The following SCFD1 variants were observed in gnomAD, a reference collection of about 807,000 sequenced individuals.
The protein encoded by SCFD1 is sec1 family domain-containing protein 1.
In SCFD1, 37 loss-of-function variants were observed where a neutral mutation model predicts 103.2. The ratio of observed to expected loss-of-function variants is 0.36; its 90% CI spans 0.28 to 0.47. The LOEUF (loss-of-function observed/expected upper bound fraction) is 0.47, where lower values mean the gene tolerates loss of function less well. Ranked by LOEUF, SCFD1 falls within the 20% of genes least tolerant of loss-of-function variation. SCFD1 has a pLI of 1.00. For missense variants in SCFD1, 639 were observed against 761.2 expected (o/e 0.84, Z 1.89); for synonymous variants, 264 against 245.0 (o/e 1.08, Z -0.73).
intron 1 of SCFD1, among the ~76,000 whole-genome samples, chr14:30,625,089 T>TA: frequency 6.6e-6 from 1 of 152,160 alleles, no homozygotes; most frequent in Admixed American, 6.5e-5. Context: ...ACTTTTTTTT[T>TA]ATTTTATTTT....
chr14:30,710,244 T>A (rs1891771606), intron 19 of SCFD1, among the ~76,000 whole-genome samples: 1 of 151,242 alleles, frequency 6.6e-6, no homozygotes, highest in South Asian at 2.1e-4. Flanking sequence ...ACATAGGCAG[T>A]TTCTCACTTA....
At chr14:30,667,122 A>C (rs181018670) in intron 10 of SCFD1, among the ~76,000 whole-genome samples, 1 of 152,224 alleles carries the variant, frequency 6.6e-6, no homozygotes, top group Non-Finnish European at 1.5e-5. Context: ...TTTTAGACCA[A>C]TATCCCTGAT....
intron 4 of SCFD1, among the ~76,000 whole-genome samples, chr14:30,636,960 T>C (rs1265162805): frequency 6.6e-6 from 1 of 152,112 alleles, no homozygotes; most frequent in Non-Finnish European, 1.5e-5. Context: ...CACAATAAGA[T>C]GTTCCAATAT....
chr14:30,722,328 GAC>G (rs1343714410), intron 22 of SCFD1, among the ~76,000 whole-genome samples, 164 bp from the exon 23 acceptor site: 1 of 151,996 alleles, frequency 6.6e-6, no homozygotes, highest in East Asian at 1.9e-4. Context: ...CTACTCAAGA[GAC>G]ATTAGAAATT....
intron 19 of SCFD1, among the ~76,000 whole-genome samples, chr14:30,712,486 A>G (rs1158580448): frequency 6.6e-6 from 1 of 152,194 alleles, no homozygotes; most frequent in Non-Finnish European, 1.5e-5. Context: ...ATAGAACTAT[A>G]TTATATTTCT....
intron 9 of SCFD1, 94 bp downstream of exon 9, chr14:30,650,744 A>C: frequency 1.4e-6 from 1 of 729,966 alleles, no homozygotes; most frequent in East Asian, 2.6e-5. Context: ...CTTGTAATTG[A>C]AATTTGTTTC....
At chr14:30,695,674 G>T (rs1890645439) in intron 15 of SCFD1, among the ~76,000 whole-genome samples, 1 of 152,088 alleles carries the variant, frequency 6.6e-6, no homozygotes. Flanking sequence ...TTTGAGACCA[G>T]CCTAGGCAAT....
At chr14:30,627,484 C>T (rs934885542) in intron 1 of SCFD1, among the ~76,000 whole-genome samples, 19 of 152,156 alleles carry the variant, frequency 1.2e-4, no homozygotes, top group African/African-American at 4.3e-4. Flanking sequence ...TGGTGGCTCA[C>T]GCCTGTAATC....
chr14:30,648,836 T>C (rs10131166), intron 7 of SCFD1, among the ~76,000 whole-genome samples: 49,345 of 151,842 alleles, frequency 0.32, 9,098 homozygotes, highest in East Asian at 0.62. Context: ...TAGCCAGGCT[T>C]GGTGGCCTGT....
At chr14:30,679,666 T>C (rs984064911) in intron 14 of SCFD1, among the ~76,000 whole-genome samples, 5 of 148,602 alleles carry the variant, frequency 3.4e-5, no homozygotes, top group Non-Finnish European at 1.5e-5. Context: ...TCCTGTTTTA[T>C]TCTTCACATA....
chr14:30,631,365 A>G (rs978367194), intron 3 of SCFD1, among the ~76,000 whole-genome samples: 4 of 152,190 alleles, frequency 2.6e-5, no homozygotes, highest in African/African-American at 9.7e-5. Flanking sequence ...AATTTAAAAA[A>G]AATTAATTAA....
At chr14:30,694,339 T>A (rs116928323) in intron 14 of SCFD1, among the ~76,000 whole-genome samples, 2,959 of 152,320 alleles carry the variant, frequency 0.019, 52 homozygotes, top group Middle Eastern at 0.034. Flanking sequence ...TTTTTTTCTA[T>A]ATTAAATATA....
At chr14:30,718,796 T>C (rs1021184332) in intron 20 of SCFD1, among the ~76,000 whole-genome samples, 12 of 152,194 alleles carry the variant, frequency 7.9e-5, no homozygotes, top group African/African-American at 2.7e-4. Context: ...TGGAGCAAAG[T>C]GTTGAAGGAT....
rs765171595 is a variant in SCFD1, at chr14:30,643,394, T to C, written c.602T>C (p.Phe201Ser). 1 of 1,611,356 alleles carries C rather than the reference T, an allele frequency of 6.2e-7. No homozygotes were observed. Among genetic ancestry groups the C allele is most frequent in the Middle Eastern group, 1.7e-4 (1 of 6,056 alleles). The change falls in exon 7 of 25, where the codon TTT becomes TCT. Residue 201 changes from phenylalanine to serine, a missense_variant. By Grantham distance (155) the Phe-to-Ser change is radical. Transcript: ENST00000458591. Reference protein sequence around the residue: ...DTIVDSLFCFFVTLGAVPIIR... With the variant: ...DTIVDSLFCFSVTLGAVPIIR... The stretch of plus-strand genomic sequence containing the variant: ...ATAGTTGACAGCCTCTTCTGCTTTT[T>C]TGTTACTCTGGGTAAGTTTTCCAGT...
chr14:30,695,432 C>T (rs964274832), intron 15 of SCFD1, among the ~76,000 whole-genome samples: 2 of 152,110 alleles, frequency 1.3e-5, no homozygotes, highest in African/African-American at 2.4e-5. Context: ...ACAAGTATCA[C>T]ATGTTCTCAC....
chr14:30,705,855 G>T lies in SCFD1; in HGVS notation c.1523G>T (p.Ser508Ile). 2.5e-6 allele frequency: 4 copies of T among 1,613,786 alleles called. No individual in the cohort carries two copies. The highest frequency in any genetic ancestry group is 2.5e-6 in the Non-Finnish European group (3 of 1,179,822). Residue 508 changes from serine (S) to isoleucine (I), a missense_variant, in exon 18 of 25, where the codon AGC becomes ATC. Ser to Ile is a moderately radical substitution (Grantham distance 142, BLOSUM62 -2). Transcript: ENST00000458591. ...AFTKMASAPA[S>I]YGSTTTKPMG... ...ACCAAGATGGCCTCAGCTCCGGCCAGCTATGGCAGCACTACCACTAAACCA... is the reference window on the plus strand; with the variant it reads ...ACCAAGATGGCCTCAGCTCCGGCCATCTATGGCAGCACTACCACTAAACCA...
chr14:30,694,217 TA>T (rs1242033691), intron 14 of SCFD1, among the ~76,000 whole-genome samples: 3 of 152,228 alleles, frequency 2.0e-5, no homozygotes, highest in African/African-American at 7.2e-5. Flanking sequence ...TGCCAGTAAC[TA>T]ATTAATACAA....
chr14:30,637,047 A>G (rs1884795220), intron 4 of SCFD1, among the ~76,000 whole-genome samples: 1 of 152,084 alleles, frequency 6.6e-6, no homozygotes, highest in South Asian at 2.1e-4. Context: ...CTTTCTGTAA[A>G]GAATGGTATT....
At chr14:30,645,698 AGCT>A (rs1885749696) in intron 7 of SCFD1, among the ~76,000 whole-genome samples, 1 of 152,132 alleles carries the variant, frequency 6.6e-6, no homozygotes, top group South Asian at 2.1e-4. Flanking sequence ...ACTTTACTGA[AGCT>A]GCTTATTAGT....
Sources: allele counts gnomAD v4.1 joint callset (sites outside exome capture counted in the v4.1 genomes callset), GRCh38; gene constraint gnomAD v4.1.1; transcripts MANE v1.5; gene names NCBI Gene and HGNC (gene_info 2026-07-23, HGNC 2026-07-21).